Variants in SLC35F5 observed in about 807,000 individuals in gnomAD.
The protein encoded by SLC35F5 is solute carrier family 35 member F5, also known as HCV NS5A-transactivated protein 3.
SLC35F5 carries 54 observed loss-of-function variants against 68.6 expected under a neutral mutation model. The observed-to-expected ratio is 0.79, with a 90% CI of 0.63 to 0.99. The LOEUF (loss-of-function observed/expected upper bound fraction) is 0.99, where lower values mean the gene tolerates loss of function less well. SLC35F5 is among the 50% of genes least tolerant of loss of function. The pLI is 0.00. For missense variants in SLC35F5, 567 were observed against 626.9 expected (o/e 0.90, Z 1.02); for synonymous variants, 211 against 205.2 (o/e 1.03, Z -0.24).
rs1341944705 is a variant in SLC35F5 at position 113,756,354 on chromosome 2, T to C, written c.40+16A>G. On this transcript the variant is annotated intron_variant, in intron 1 of 15. Coordinates refer to ENST00000245680, the MANE Select transcript of SLC35F5 (RefSeq NM_025181.5). ...TTGGGCTCCGGTGATGTCGGGGCCC[T>C]TCCCTGCCTGCCTACCTGGCCTTCC... The C allele has an allele frequency of 1.3e-6, 2 of 1,569,870 alleles. No homozygotes were observed. Among genetic ancestry groups the C allele is most frequent in the South Asian group, 2.3e-5 (2 of 85,482 alleles).
At chr2:113,729,272 T>C (rs1393140952) in intron 11 of SLC35F5, 129 bp downstream of exon 11, 7 of 555,028 alleles carry the variant, frequency 1.3e-5, no homozygotes, top group Non-Finnish European at 1.9e-5. Flanking sequence ...GCCTTCATAA[T>C]CTTTAAATGG....
chr2:113,747,053 G>A (rs535147132), intron 4 of SLC35F5, among the ~76,000 whole-genome samples: 304 of 152,230 alleles, frequency 2.0e-3, no homozygotes, highest in African/African-American at 7.1e-3. Context: ...TTGGGAGGCT[G>A]AGGTGGGTTG....
At chr2:113,731,720 T>G (rs1342244322) in intron 9 of SLC35F5, 72 bp from the exon 10 acceptor site, 22 of 1,231,246 alleles carry the variant, frequency 1.8e-5, no homozygotes, top group Non-Finnish European at 2.5e-5. Flanking sequence ...TAAAAATTAT[T>G]TATAAGTGAT....
intron 3 of SLC35F5, among the ~76,000 whole-genome samples, chr2:113,754,796 C>G (rs1194930549): frequency 2.0e-5 from 3 of 152,160 alleles, no homozygotes; most frequent in Admixed American, 2.0e-4. Context: ...CAAAAGCACT[C>G]TGAACCTTCT....
At position 113,719,327 on chromosome 2, in the gene SLC35F5, G is replaced by C; in HGVS notation, c.1342-19C>G. ...ACTGCACCTAAAAATAAAAGATAGA[G>C]GAAAAAACACACCCACAATTATCAT... On this transcript the variant is annotated intron_variant, in intron 13 of 15. Transcript: ENST00000245680. The C allele has an allele frequency of 6.6e-7, 1 of 1,526,124 alleles. No homozygotes were observed. The highest frequency in any genetic ancestry group is 8.7e-7 in the Non-Finnish European group (1 of 1,151,640). The allele number at this position is 1,526,124 out of a possible 1,614,324, so 94.5% of individuals were successfully genotyped here.
At chr2:113,723,312 C>A in intron 12 of SLC35F5, 118 bp from the exon 13 acceptor site, 1 of 474,692 alleles carries the variant, frequency 2.1e-6, no homozygotes, top group Non-Finnish European at 3.6e-6. Context: ...AGATAAGAGG[C>A]TAGGATGGAT....
chr2:113,725,597 T>TC, intron 11 of SLC35F5, 60 bp from the exon 12 acceptor site: 1 of 1,443,718 alleles, frequency 6.9e-7, no homozygotes, highest in Non-Finnish European at 9.2e-7. Flanking sequence ...TCCAAGCTTA[T>TC]TAACTCTAAA....
rs1687011105 is a variant in SLC35F5 at position 113,712,198 on chromosome 2, G to A, written c.*3020C>T. Among the ~76,000 whole-genome samples the A allele has an allele frequency of 6.6e-6, 1 of 152,168 alleles. No individual in the cohort carries two copies. ...TAATGTAAAGAATTAATTAAATCAG[G>A]TTGACAGAAGCCAATATCTCAATGT... On this transcript the variant is annotated 3_prime_UTR_variant, in exon 16 of 16. Transcript: ENST00000245680.
intron 10 of SLC35F5, among the ~76,000 whole-genome samples, chr2:113,730,488 G>T (rs58446565): frequency 1.3e-5 from 2 of 152,324 alleles, no homozygotes; most frequent in African/African-American, 4.8e-5. Flanking sequence ...TGAGAAAGAG[G>T]TGAGGAGGTT....
At chr2:113,745,189 G>A (rs1225999014) in intron 5 of SLC35F5, among the ~76,000 whole-genome samples, 2 of 152,140 alleles carry the variant, frequency 1.3e-5, no homozygotes, top group African/African-American at 4.8e-5. Context: ...CAGAAGAGCA[G>A]GCTGCCATCT....
chr2:113,746,051 G>T (rs897844683), intron 5 of SLC35F5, among the ~76,000 whole-genome samples: 1 of 152,174 alleles, frequency 6.6e-6, no homozygotes, highest in African/African-American at 2.4e-5. Flanking sequence ...TCCTGAACCA[G>T]TTTTCCCTTC....
chr2:113,702,997 C>T (rs1004001069), downstream of SLC35F5, among the ~76,000 whole-genome samples: 1 of 151,998 alleles, frequency 6.6e-6, no homozygotes. Context: ...GTAGTCCCAG[C>T]AACTTGAGAG....
chr2:113,719,282 T>C lies in SLC35F5; in HGVS notation c.1368A>G (p.Ala456=). Reference sequence around the variant, plus strand: ...ATGAAAAAAATACAGGGATAGCTCCTGCAAAAAATAACCAAGAAAACTGCA... The same window carrying C: ...ATGAAAAAAATACAGGGATAGCTCCCGCAAAAAATAACCAAGAAAACTGCA... ...QKVQFSWLFF[A]GAIPVFFSFF... The change falls in exon 14 of 16, where the codon GCA becomes GCG. Residue 456 remains alanine, a synonymous_variant. Transcript: ENST00000245680. The C allele has an allele frequency of 1.3e-6, 2 of 1,561,708 alleles. No homozygotes were observed. The highest frequency in any genetic ancestry group is 2.0e-4 in the Middle Eastern group (1 of 5,078).
chr2:113,746,205 A>C, intron 5 of SLC35F5, 72 bp downstream of exon 5: 8 of 1,140,214 alleles, frequency 7.0e-6, no homozygotes, highest in African/African-American at 1.5e-5. Flanking sequence ...TGCTGCCATC[A>C]AACCTGTTTC....
rs1005618288 is a variant in SLC35F5 at position 113,709,489 on chromosome 2, C to T, written c.*5729G>A. On this transcript the variant is annotated 3_prime_UTR_variant, in exon 16 of 16. Transcript: ENST00000245680. The stretch of plus-strand genomic sequence containing the variant: ...TCAGCATTTTTCAAGCATCCAGGCA[C>T]GCTGGGCCTGGTATTTCAATTAGAG... Among the ~76,000 whole-genome samples, 2 of 152,230 alleles carry T rather than the reference C, an allele frequency of 1.3e-5. No individual in the cohort carries two copies. The highest frequency in any genetic ancestry group is 2.4e-5 in the African/African-American group (1 of 41,456).
chr2:113,755,617 CTCT>C (rs540571965), intron 1 of SLC35F5, 73 bp from the exon 2 acceptor site: 280 of 1,372,888 alleles, frequency 2.0e-4, no homozygotes, highest in Non-Finnish European at 2.8e-4. Flanking sequence ...TCGTTTTTTA[CTCT>C]TCATCTTCAA....
chr2:113,731,961 C>T (rs1307423771), intron 9 of SLC35F5, among the ~76,000 whole-genome samples: 6 of 151,988 alleles, frequency 3.9e-5, no homozygotes, highest in Admixed American at 1.3e-4. Flanking sequence ...ATCACATAGC[C>T]GAGACTGAAA....
intron 10 of SLC35F5, among the ~76,000 whole-genome samples, chr2:113,731,106 A>G (rs574547934): frequency 7.2e-5 from 11 of 152,280 alleles, no homozygotes; most frequent in Admixed American, 4.6e-4. Flanking sequence ...AACCAAAGAA[A>G]ATGTCAGACA....
chr2:113,754,914 G>C (rs887053540), intron 3 of SLC35F5, among the ~76,000 whole-genome samples: 4 of 150,864 alleles, frequency 2.7e-5, no homozygotes, highest in Non-Finnish European at 4.4e-5. Flanking sequence ...ACTTTCAAAT[G>C]TAAGAAAATA....
Sources: allele counts gnomAD v4.1 joint callset (sites outside exome capture counted in the v4.1 genomes callset), GRCh38; gene constraint gnomAD v4.1.1; transcripts MANE v1.5; gene names NCBI Gene and HGNC (gene_info 2026-07-23, HGNC 2026-07-21).